DHCR7: variants seen among roughly 807,000 people sequenced by gnomAD.
DHCR7 encodes 7-dehydrocholesterol reductase.
A neutral mutation model predicts 43.3 loss-of-function variants in DHCR7; 40 were observed. The observed-to-expected ratio is 0.92, with a 90% CI of 0.72 to 1.20. The LOEUF (loss-of-function observed/expected upper bound fraction) is 1.20. Among genes scored for constraint, DHCR7 ranks in the 50% most tolerant of loss-of-function variants. The probability of loss-of-function intolerance (pLI) is 0.00; values close to 1 mark genes in which losing one functional copy is unlikely to be tolerated. For synonymous variants in DHCR7, 298 were observed against 271.4 expected (o/e 1.10, Z -0.96); for missense variants, 608 against 644.6 (o/e 0.94, Z 0.62).
chr11:71,438,860 C>A lies in DHCR7; in HGVS notation c.831+19G>T. On this transcript the variant is annotated intron_variant, in intron 7 of 8. Coordinates refer to ENST00000355527, the MANE Select transcript of DHCR7 (RefSeq NM_001360.3). ...CCTGCCGGCATCGGCGTTTCACCCTCTCCAGCCATGACAGGCACCTGCAGG... is the reference window on the plus strand; with the variant it reads ...CCTGCCGGCATCGGCGTTTCACCCTATCCAGCCATGACAGGCACCTGCAGG... The A allele has an allele frequency of 6.2e-7, 1 of 1,613,158 alleles. No homozygotes were observed. The highest frequency in any genetic ancestry group is 1.1e-5 in the South Asian group (1 of 91,080).
chr11:71,436,317 C>T (rs1363159703), intron 8 of DHCR7, among the ~76,000 whole-genome samples: 1 of 152,128 alleles, frequency 6.6e-6, no homozygotes, highest in Admixed American at 6.5e-5. Context: ...AATCAGTTGA[C>T]AGCTTTAAGA....
At chr11:71,438,756 G>T in intron 7 of DHCR7, 123 bp downstream of exon 7, 1 of 1,052,146 alleles carries the variant, frequency 9.5e-7, no homozygotes, top group Non-Finnish European at 1.4e-6. Context: ...GTGACACCTG[G>T]GGAGGGCAGC....
intron 8 of DHCR7, 158 bp from the exon 9 acceptor site, chr11:71,435,997 G>A (rs1442328892): frequency 1.5e-6 from 1 of 668,860 alleles, no homozygotes; most frequent in East Asian, 2.7e-5. Context: ...CACCAACCTT[G>A]AGGGCTGTTG....
At chr11:71,440,969 C>A (rs1226579539) in intron 6 of DHCR7, among the ~76,000 whole-genome samples, 2 of 152,210 alleles carry the variant, frequency 1.3e-5, no homozygotes, top group Non-Finnish European at 2.9e-5. Flanking sequence ...TCCTTACCCC[C>A]ACGCCAGCCC....
chr11:71,444,243 C>G (rs1949381423), intron 3 of DHCR7, 28 bp from the exon 4 acceptor site: 2 of 1,548,164 alleles, frequency 1.3e-6, no homozygotes, highest in Non-Finnish European at 1.8e-6. Context: ...GGCAGTCACA[C>G]TGGGGCCCAT....
At chr11:71,428,715 C>T (rs1949213057) in exon 3 of DHCR7, 1 of 397,714 alleles carries the variant, frequency 2.5e-6, no homozygotes, top group Non-Finnish European at 5.0e-6. Context: ...CCTGCAGCTC[C>T]CTGCAGTCCT....
rs200334114 is a variant in DHCR7 at position 71,444,864 on chromosome 11, C to G, written c.89G>C (p.Gly30Ala). 198 of 1,614,062 alleles carry G rather than the reference C, an allele frequency of 1.2e-4. No individual in the cohort carries two copies. Among genetic ancestry groups the G allele is most frequent in the Non-Finnish European group, 1.7e-4 (195 of 1,179,880 alleles). ...NDRTASQGQW[G>A]RAWEVDWFSL... The stretch of plus-strand genomic sequence containing the variant: ...CAGGCAAGATCCTTACCAGGCACGG[C>G]CCCACTGCCCTTGAGATGCGGTTCT... Residue 30 changes from glycine (G) to alanine (A), a missense_variant, in exon 3 of 9, where the codon GGC becomes GCC. Physicochemically the swap from Gly to Ala is moderately conservative, Grantham distance 60. Transcript: ENST00000355527.
chr11:71,428,585 G>A, exon 3 of DHCR7: 1 of 273,220 alleles, frequency 3.7e-6, no homozygotes, highest in South Asian at 3.6e-5. Context: ...TTCGCACATG[G>A]CAGGATATAA....
downstream of DHCR7, among the ~76,000 whole-genome samples, chr11:71,431,189 C>T (rs941026768): frequency 2.0e-5 from 3 of 152,102 alleles, no homozygotes; most frequent in South Asian, 4.1e-4. Context: ...AGCAAAGATG[C>T]CACTCAAAGG....
rs774365277 is a variant in DHCR7, at chr11:71,443,949, C to T, written c.321+44G>A. ...AGGACTACCCCAGCAGGAGGGCACG[C>T]TCCCCACCTGCTGTGTCCCAACCCC... On this transcript the variant is annotated intron_variant, in intron 4 of 8. Coordinates refer to ENST00000355527, the MANE Select transcript of DHCR7 (RefSeq NM_001360.3). The T allele has an allele frequency of 2.7e-6, 4 of 1,505,480 alleles. No individual in the cohort carries two copies. In the African/African-American group the frequency reaches 5.5e-5, roughly 21 times the overall value. The allele number at this position is 1,505,480 out of a possible 1,614,324, so 93.3% of individuals were successfully genotyped here.
At chr11:71,448,753 C>T (rs1949432813), upstream of DHCR7, 1 of 152,326 alleles carries the variant, frequency 6.6e-6, no homozygotes, top group East Asian at 1.9e-4. Flanking sequence ...GCAAATGGGG[C>T]TTCAGCGGCT....
At chr11:71,443,193 T>A (rs1949366560) in intron 4 of DHCR7, among the ~76,000 whole-genome samples, 2 of 152,212 alleles carry the variant, frequency 1.3e-5, no homozygotes, top group Admixed American at 1.3e-4. Flanking sequence ...GGTCCATTCA[T>A]CTACTGATGG....
At chr11:71,436,469 C>T (rs573287488) in intron 8 of DHCR7, among the ~76,000 whole-genome samples, 2 of 152,324 alleles carry the variant, frequency 1.3e-5, no homozygotes, top group African/African-American at 2.4e-5. Context: ...TTGAGACCAG[C>T]CTGACTAACA....
Position 71,437,954 on chromosome 11 carries a change from G to T in DHCR7, c.832-11C>A. The stretch of plus-strand genomic sequence containing the variant: ...AATCACGTAGATGGCCTGCAAGACA[G>T]AAGCAGCCGCTGACCACCCCCGGCC... On this transcript the variant is annotated splice_polypyrimidine_tract_variant and intron_variant, in intron 7 of 8. Transcript: ENST00000355527. The T allele has an allele frequency of 6.2e-7, 1 of 1,612,008 alleles. No individual in the cohort carries two copies.
downstream of DHCR7, among the ~76,000 whole-genome samples, chr11:71,430,547 G>T (rs1442432348): frequency 6.6e-6 from 1 of 152,178 alleles, no homozygotes; most frequent in African/African-American, 2.4e-5. Context: ...TGTCATGTGG[G>T]GTGGCTGCCC....
At position 71,437,950 on chromosome 11, in the gene DHCR7, G is replaced by A. The variant is rs781410864; in HGVS notation, c.832-7C>T. ...AGTCAATCACGTAGATGGCCTGCAA[G>A]ACAGAAGCAGCCGCTGACCACCCCC... On this transcript the variant is annotated splice_region_variant and splice_polypyrimidine_tract_variant and intron_variant, in intron 7 of 8. Transcript: ENST00000355527. 5.0e-6 allele frequency: 8 copies of A among 1,612,384 alleles called. No homozygotes were observed. Among genetic ancestry groups the A allele is most frequent in the Non-Finnish European group, 6.8e-6 (8 of 1,179,986 alleles).
At chr11:71,428,911 G>GA (rs1949214161) in intron 2 of DHCR7, 2 of 451,852 alleles carry the variant, frequency 4.4e-6, no homozygotes, top group South Asian at 3.1e-5. Flanking sequence ...CCCAGTTAAA[G>GA]AAAAAAATAA....
At chr11:71,437,780 C>T (rs755044586) in intron 8 of DHCR7, 32 bp downstream of exon 8, 10 of 1,613,008 alleles carry the variant, frequency 6.2e-6, no homozygotes, top group South Asian at 1.1e-5. Flanking sequence ...CTGCCAAATG[C>T]CCCGCTGGGC....
downstream of DHCR7, among the ~76,000 whole-genome samples, chr11:71,431,504 G>A (rs910325973): frequency 5.9e-5 from 9 of 152,134 alleles, no homozygotes; most frequent in Non-Finnish European, 8.8e-5. Flanking sequence ...TGCAGGCAAC[G>A]TGGTGAAACC....
Sources: gnomAD v4.1 joint callset for allele counts (sites outside exome capture counted in the v4.1 genomes callset) on GRCh38, gnomAD v4.1.1 for gene constraint, MANE v1.5 for transcripts, NCBI Gene and HGNC (gene_info 2026-07-23, HGNC 2026-07-21) for gene names.